Variants in RTL9 observed in about 807,000 individuals in gnomAD.
RTL9 encodes the protein retrotransposon Gag-like protein 9.
Under a neutral mutation model 44.7 loss-of-function variants are expected in RTL9, and 19 were observed. The observed-to-expected ratio is 0.42, with a 90% CI of 0.30 to 0.62. RTL9 has a LOEUF of 0.62. RTL9 is among the 20% of genes least tolerant of loss of function. The pLI, the probability that RTL9 is intolerant of heterozygous loss-of-function variation, is 0.16. For synonymous variants in RTL9, 407 were observed against 398.9 expected (o/e 1.02, Z -0.24); for missense variants, 1,105 against 1,080.6 (o/e 1.02, Z -0.32).
At chrX:110,382,262 G>T (rs1266360708) in intron 1 of RTL9, among the ~76,000 whole-genome samples, 1 of 110,267 alleles carries the variant, frequency 9.1e-6, no homozygotes, top group Non-Finnish European at 1.9e-5. Flanking sequence ...GGAAGAAAGA[G>T]CACAATGGGT....
At chrX:110,386,866 AAC>A (rs1174543075) in intron 1 of RTL9, among the ~76,000 whole-genome samples, 5 of 112,464 alleles carry the variant, frequency 4.4e-5, no homozygotes, top group Non-Finnish European at 9.4e-5. Context: ...AGAGCTTCAT[AAC>A]ACAGAAGAGA....
chrX:110,454,694 T>C (rs1488560464), intron 1 of RTL9, 30 bp downstream of exon 3: 1 of 1,123,847 alleles, frequency 8.9e-7, no homozygotes, highest in East Asian at 3.1e-5. Flanking sequence ...CTGAAGGTTT[T>C]TGAGCAGAGA....
At chrX:110,425,440 C>T (rs1287110308) in intron 1 of RTL9, among the ~76,000 whole-genome samples, 1 of 112,946 alleles carries the variant, frequency 8.9e-6, no homozygotes, top group Non-Finnish European at 1.9e-5. Flanking sequence ...AATGGCAGGC[C>T]TAGGGCAGTG....
At chrX:110,392,268 A>G (rs1253284173) in intron 1 of RTL9, among the ~76,000 whole-genome samples, 1 of 103,623 alleles carries the variant, frequency 9.7e-6, no homozygotes, top group Non-Finnish European at 2.0e-5. Context: ...AATTTCTACC[A>G]CAGGTTTTTT....
upstream of RTL9, among the ~76,000 whole-genome samples, chrX:110,446,193 C>T (rs1389113126): frequency 2.7e-5 from 3 of 110,983 alleles, no homozygotes; most frequent in South Asian, 3.8e-4. Flanking sequence ...ATGGGACTTG[C>T]GGGGAATGGG....
intron 1 of RTL9, among the ~76,000 whole-genome samples, chrX:110,366,905 A>G (rs1184588050): frequency 9.0e-6 from 1 of 111,492 alleles, no homozygotes; most frequent in Non-Finnish European, 1.9e-5. Context: ...GCTTTTTTAC[A>G]TCTTTCCTTT....
chrX:110,453,668 G>A (rs761226305), exon 1 of RTL9: 17 of 1,210,156 alleles, frequency 1.4e-5, no homozygotes, highest in African/African-American at 8.7e-5. Context: ...TGGCCACAGC[G>A]CCAATTAGAG....
At chrX:110,453,822 A>T in exon 1 of RTL9, 2 of 1,211,222 alleles carry the variant, frequency 1.7e-6, no homozygotes, top group Admixed American at 2.2e-5. Flanking sequence ...CTCTAGAGGG[A>T]TGTCCACACC....
intron 2 of RTL9, among the ~76,000 whole-genome samples, 185 bp downstream of exon 2, chrX:110,445,453 A>G (rs1256806770): frequency 1.8e-5 from 2 of 111,692 alleles, no homozygotes; most frequent in African/African-American, 3.3e-5. Flanking sequence ...CTTTATTTAT[A>G]AAGAGCCGGT....
intron 1 of RTL9, among the ~76,000 whole-genome samples, chrX:110,381,004 G>T (rs1205464801): frequency 8.9e-6 from 1 of 112,137 alleles, no homozygotes; most frequent in Non-Finnish European, 1.9e-5. Context: ...AAGGAAACCT[G>T]GGAAATATCC....
chrX:110,383,536 C>A (rs2068434772), intron 1 of RTL9, among the ~76,000 whole-genome samples: 1 of 111,291 alleles, frequency 9.0e-6, no homozygotes, highest in African/African-American at 3.3e-5. Context: ...CTGCTTCTCC[C>A]CACCCCTTCA....
intron 1 of RTL9, among the ~76,000 whole-genome samples, chrX:110,411,513 G>A (rs1161978353): frequency 2.7e-5 from 3 of 112,204 alleles, no homozygotes; most frequent in African/African-American, 9.7e-5. Flanking sequence ...TAAAAGATTA[G>A]AAGAAGGCAT....
chrX:110,402,860 A>T (rs1332150226), intron 1 of RTL9, among the ~76,000 whole-genome samples: 1 of 112,098 alleles, frequency 8.9e-6, no homozygotes, highest in Non-Finnish European at 1.9e-5. Flanking sequence ...CATGATTAGG[A>T]ACAGAAGAAT....
At chrX:110,416,345 G>A (rs142131873), upstream of RTL9, among the ~76,000 whole-genome samples, 167 of 112,180 alleles carry the variant, frequency 1.5e-3, 3 homozygotes, top group African/African-American at 5.0e-3. Context: ...TTAACGAACC[G>A]TTGTTTAATG....
chrX:110,407,090 C>T (rs2068608039), intron 1 of RTL9, among the ~76,000 whole-genome samples: 1 of 111,859 alleles, frequency 8.9e-6, no homozygotes, highest in Non-Finnish European at 1.9e-5. Context: ...ACAATGCCGC[C>T]AACTTCACCA....
intron 1 of RTL9, among the ~76,000 whole-genome samples, chrX:110,423,039 C>A (rs1174635245): frequency 1.8e-5 from 2 of 111,983 alleles, no homozygotes; most frequent in Non-Finnish European, 3.8e-5. Flanking sequence ...ATAAAGAAGA[C>A]AGAGGAGGCC....
At chrX:110,366,328 T>C (rs2068296965) in intron 1 of RTL9, among the ~76,000 whole-genome samples, 2 of 111,461 alleles carry the variant, frequency 1.8e-5, no homozygotes. Flanking sequence ...ATATTCAGAG[T>C]CCTTAATAGG....
exon 2 of RTL9, chrX:110,455,510 C>A (rs1377423838): frequency 4.5e-6 from 2 of 446,380 alleles, no homozygotes; most frequent in African/African-American, 5.0e-5. Context: ...ATGCCTAAGA[C>A]CTGCCCTGAC....
rs541110877 is a variant in RTL9, at chrX:110,400,763, G to A, written c.-168+41847G>A. ...TAATGTTTTATATTTTATGGCAAGA[G>A]TTTGTTGGATCTTTGCCCACTTGAA... On this transcript the variant is annotated intron_variant, in intron 1 of 2. Transcript: ENST00000520821. 2.9e-4 allele frequency among the ~76,000 whole-genome samples: 32 copies of A among 111,871 alleles called. No homozygotes were observed. In the South Asian group the frequency reaches 0.012, roughly 41 times the overall value.
Sources: allele counts gnomAD v4.1 joint callset (sites outside exome capture counted in the v4.1 genomes callset), GRCh38; gene constraint gnomAD v4.1.1; transcripts MANE v1.5; gene names NCBI Gene and HGNC (gene_info 2026-07-23, HGNC 2026-07-21).